OLFML2A: variants seen among roughly 807,000 people sequenced by gnomAD.
OLFML2A encodes olfactomedin-like protein 2A.
In OLFML2A, 47 loss-of-function variants were observed where a neutral mutation model predicts 60.9. The ratio of observed to expected loss-of-function variants is 0.77; its 90% CI spans 0.61 to 0.98. The LOEUF is 0.98. OLFML2A is among the 50% of genes least tolerant of loss of function. The pLI, the probability that OLFML2A is intolerant of heterozygous loss-of-function variation, is 0.00. For synonymous variants in OLFML2A, 372 were observed against 375.0 expected (o/e 0.99, Z 0.09); for missense variants, 922 against 879.8 (o/e 1.05, Z -0.61).
chr9:124,804,947 C>G (rs1841861213), intron 6 of OLFML2A, among the ~76,000 whole-genome samples: 1 of 152,122 alleles, frequency 6.6e-6, no homozygotes, highest in Admixed American at 6.5e-5. Flanking sequence ...AGGTGATCCT[C>G]CCATCTCAGC....
chr9:124,798,370 C>T (rs1841705253), intron 3 of OLFML2A, among the ~76,000 whole-genome samples: 3 of 151,882 alleles, frequency 2.0e-5, no homozygotes, highest in Admixed American at 2.0e-4. Flanking sequence ...GGCATGGAGG[C>T]ACGCGCCTGT....
chr9:124,787,400 A>C (rs1841496519), intron 2 of OLFML2A, among the ~76,000 whole-genome samples, 162 bp downstream of exon 2: 1 of 152,226 alleles, frequency 6.6e-6, no homozygotes, highest in South Asian at 2.1e-4. Flanking sequence ...ACTTCTTGCC[A>C]GGAAGTGACA....
chr9:124,788,943 T>G (rs1328286090), intron 2 of OLFML2A, among the ~76,000 whole-genome samples: 2 of 152,212 alleles, frequency 1.3e-5, no homozygotes, highest in African/African-American at 4.8e-5. Context: ...TTGCTTTTTT[T>G]CTTTTTTGAG....
intron 2 of OLFML2A, among the ~76,000 whole-genome samples, chr9:124,793,590 G>A (rs1841607750): frequency 6.6e-6 from 1 of 152,206 alleles, no homozygotes; most frequent in Non-Finnish European, 1.5e-5. Flanking sequence ...GAACAGCTGG[G>A]TGGCCTTGGG....
At position 124,799,606 on chromosome 9, in the gene OLFML2A, T is replaced by C. The variant is rs150896912; in HGVS notation, c.669+115T>C. On this transcript the variant is annotated intron_variant, in intron 4 of 7. Transcript: ENST00000373580. ...GGGGGTTTGGGGCTGTAAGATGGGG[T>C]TGAGGACTGGCACAGCCAGAGAGTC... is the stretch of plus-strand genomic sequence containing the variant. 1.1e-3 allele frequency: 965 copies of C among 849,218 alleles called. 9 individuals carry two copies. The African/African-American group carries it at 0.014, about 12-fold the overall frequency. The allele number at this position is 849,218 out of a possible 1,614,324, so 52.6% of individuals were successfully genotyped here.
rs1412018120 is a variant in OLFML2A at position 124,810,710 on chromosome 9, C to T, written c.*298C>T. 6 of 434,098 alleles carry T rather than the reference C, an allele frequency of 1.4e-5. No homozygotes were observed. Among genetic ancestry groups the T allele is most frequent in the African/African-American group, 1.2e-4 (6 of 50,606 alleles). 26.9% of individuals were successfully genotyped at this position (434,098 alleles called of 1,614,324 possible). A position where few individuals can be genotyped will look rare whatever the true frequency, so the allele number is the denominator to read the frequency against. The stretch of plus-strand genomic sequence containing the variant: ...AGACGAGGAGACAGGCTCAGAGAGG[C>T]ACCGTCCCTTGCCTAACACCTCAGT... On this transcript the variant is annotated 3_prime_UTR_variant, in exon 8 of 8. Coordinates refer to ENST00000373580, the MANE Select transcript of OLFML2A (RefSeq NM_182487.4).
rs1047787517 is a variant in OLFML2A, at chr9:124,813,233, G to A, written c.*2821G>A. 21 of 152,280 alleles carry A rather than the reference G, an allele frequency of 1.4e-4. No homozygotes were observed. Among genetic ancestry groups the A allele is most frequent in the African/African-American group, 5.1e-4 (21 of 41,458 alleles). The allele number at this position is 152,280 out of a possible 1,614,324, so 9.4% of individuals were successfully genotyped here. On this transcript the variant is annotated 3_prime_UTR_variant, in exon 8 of 8. Coordinates refer to ENST00000373580, the MANE Select transcript of OLFML2A (RefSeq NM_182487.4). Reference sequence around the variant, plus strand: ...CAGACTGTTGGGATTACAGGCATGAGCCACCACGCCTGGCCAGTTTCTTCA... The same window carrying A: ...CAGACTGTTGGGATTACAGGCATGAACCACCACGCCTGGCCAGTTTCTTCA...
At chr9:124,787,291 T>G in intron 2 of OLFML2A, 53 bp downstream of exon 2, 1 of 1,545,376 alleles carries the variant, frequency 6.5e-7, no homozygotes, top group Non-Finnish European at 8.9e-7. Context: ...AGCTGGAGCC[T>G]GCTGTCCTGC....
At chr9:124,791,488 G>A (rs991514157) in intron 2 of OLFML2A, among the ~76,000 whole-genome samples, 6 of 152,170 alleles carry the variant, frequency 3.9e-5, no homozygotes, top group African/African-American at 1.2e-4. Flanking sequence ...TGTAATCCCA[G>A]CTCTTTGGGA....
intron 6 of OLFML2A, among the ~76,000 whole-genome samples, chr9:124,806,590 A>C (rs969251760): frequency 6.6e-6 from 1 of 151,738 alleles, no homozygotes; most frequent in Non-Finnish European, 1.5e-5. Context: ...TAACTTTTTA[A>C]ATTTTTAATG....
At chr9:124,788,309 A>C (rs557754442) in intron 2 of OLFML2A, among the ~76,000 whole-genome samples, 1 of 150,668 alleles carries the variant, frequency 6.6e-6, no homozygotes, top group Non-Finnish European at 1.5e-5. Context: ...CTCAAAAAAA[A>C]AAAATAAAGA....
rs762926585 is a variant in OLFML2A, at chr9:124,810,100, C to T, written c.1647C>T (p.Val549=). ...DRDEAQPEVI[V]LSRLDPGDLS... Reference sequence around the variant, plus strand: ...ATGAGGCCCAGCCCGAGGTGATCGTCCTGAGTCGCTTGGACCCCGGCGATC... The same window carrying T: ...ATGAGGCCCAGCCCGAGGTGATCGTTCTGAGTCGCTTGGACCCCGGCGATC... Residue 549 remains valine (V), a synonymous_variant, in exon 8 of 8, where the codon GTC becomes GTT. Coordinates refer to ENST00000373580, the MANE Select transcript of OLFML2A (RefSeq NM_182487.4). 17 of 1,613,722 alleles carry T rather than the reference C, an allele frequency of 1.1e-5. No homozygotes were observed. Among genetic ancestry groups the T allele is most frequent in the Non-Finnish European group, 1.4e-5 (16 of 1,180,030 alleles).
rs1267709124 is a variant in OLFML2A, at chr9:124,810,405, T to C, written c.1952T>C (p.Val651Ala). 1 of 1,594,578 alleles carries C rather than the reference T, an allele frequency of 6.3e-7. No homozygotes were observed. Among genetic ancestry groups the C allele is most frequent in the Non-Finnish European group, 8.5e-7 (1 of 1,176,124 alleles). ...GHQLTYTLHF[V>A]V Reference sequence around the variant, plus strand: ...CAGCTCACCTACACCCTCCACTTCGTGGTCTGAGTGGAGACCTGTGCTCCC... The same window carrying C: ...CAGCTCACCTACACCCTCCACTTCGCGGTCTGAGTGGAGACCTGTGCTCCC... Residue 651 changes from valine (V) to alanine (A), a missense_variant, in exon 8 of 8, where the codon GTG becomes GCG. Val to Ala is a moderately conservative substitution (Grantham distance 64). Coordinates refer to ENST00000373580, the MANE Select transcript of OLFML2A (RefSeq NM_182487.4).
chr9:124,788,958 G>A (rs939970787), intron 2 of OLFML2A, among the ~76,000 whole-genome samples: 2 of 152,008 alleles, frequency 1.3e-5, no homozygotes, highest in Non-Finnish European at 1.5e-5. Flanking sequence ...TTTGAGGCAG[G>A]GTCTTGCTCT....
At chr9:124,789,803 G>A (rs144938370) in intron 2 of OLFML2A, among the ~76,000 whole-genome samples, 3 of 152,352 alleles carry the variant, frequency 2.0e-5, no homozygotes, top group African/African-American at 4.8e-5. Flanking sequence ...TGGGGAGTCA[G>A]GGGGAATGAA....
chr9:124,797,708 C>T (rs1171577000), intron 3 of OLFML2A, among the ~76,000 whole-genome samples: 1 of 152,220 alleles, frequency 6.6e-6, no homozygotes, highest in African/African-American at 2.4e-5. Context: ...CCCAGATCTA[C>T]TAGAGCTTTG....
In OLFML2A at chr9:124,799,272, G is replaced by GC; in HGVS notation, c.463-8dup. 1 of 1,582,510 alleles carries GC rather than the reference G, an allele frequency of 6.3e-7. No homozygotes were observed. The highest frequency in any genetic ancestry group is 1.1e-5 in the South Asian group (1 of 90,368). On this transcript the variant is annotated splice_polypyrimidine_tract_variant and intron_variant, in intron 3 of 7. Transcript: ENST00000373580. ...TGGCCCAGGAAAGACCTCCAATCCT[G>GC]CCCCCTCCGCAGAGCATCAAGGCCA...
At chr9:124,801,198 C>T in intron 4 of OLFML2A, 2 of 928,558 alleles carry the variant, frequency 2.2e-6, no homozygotes, top group East Asian at 5.3e-5. Flanking sequence ...TTCAAGCCTG[C>T]AAGGGAGCTA....
intron 2 of OLFML2A, among the ~76,000 whole-genome samples, chr9:124,788,887 G>A (rs1386062084): frequency 6.6e-6 from 1 of 152,194 alleles, no homozygotes; most frequent in Non-Finnish European, 1.5e-5. Flanking sequence ...TTGCTTTCCT[G>A]TCTTCCTTTT....
Sources: gnomAD v4.1 joint callset for allele counts (sites outside exome capture counted in the v4.1 genomes callset) on GRCh38, gnomAD v4.1.1 for gene constraint, MANE v1.5 for transcripts, NCBI Gene and HGNC (gene_info 2026-07-23, HGNC 2026-07-21) for gene names.